ENTREP2: variants seen among roughly 807,000 people sequenced by gnomAD.
ENTREP2 encodes the protein endosomal transmembrane epsin interactor 2, also known as protein ENTREP2.
At chr15:29,624,525 C>G in the ENTREP2 span, among the ~76,000 whole-genome samples, 3 of 152,206 alleles carry the variant, frequency 2.0e-5, no homozygotes, top group Non-Finnish European at 2.9e-5. Context: ...AAATGCCACT[C>G]TGTCTCCAAC....
At chr15:29,370,239 A>C in the ENTREP2 span, among the ~76,000 whole-genome samples, 1 of 152,228 alleles carries the variant, frequency 6.6e-6, no homozygotes, top group Non-Finnish European at 1.5e-5. Flanking sequence ...CACACTGTCT[A>C]TAAGAGATTC....
chr15:29,440,967 T>C, the ENTREP2 span, among the ~76,000 whole-genome samples: 37 of 152,310 alleles, frequency 2.4e-4, no homozygotes, highest in African/African-American at 8.2e-4. Context: ...ATTCCACTTC[T>C]GGGTATATAC....
the ENTREP2 span, among the ~76,000 whole-genome samples, chr15:29,465,646 T>C: frequency 5.0e-3 from 769 of 152,344 alleles, 7 homozygotes; most frequent in African/African-American, 0.018. Context: ...TCTTTGATTC[T>C]CAAATTGTAT....
At chr15:29,516,241 G>C in the ENTREP2 span, among the ~76,000 whole-genome samples, 3 of 152,070 alleles carry the variant, frequency 2.0e-5, no homozygotes, top group South Asian at 4.1e-4. Flanking sequence ...CCAGGGAAAC[G>C]GTCACACAGG....
the ENTREP2 span, among the ~76,000 whole-genome samples, chr15:29,466,611 T>TGCTGCAGCCCCCAGGGG: frequency 5.4e-5 from 2 of 36,882 alleles, no homozygotes; most frequent in African/African-American, 1.1e-4. Flanking sequence ...GCCCCCAGGG[T>TGCTGCAGCCCCCAGGGG]AGGGCCCAGG....
At chr15:29,463,124 G>A in the ENTREP2 span, among the ~76,000 whole-genome samples, 2 of 152,114 alleles carry the variant, frequency 1.3e-5, no homozygotes, top group Admixed American at 6.6e-5. Context: ...GGGGAGTGAC[G>A]AGGCTCAGGC....
the ENTREP2 span, among the ~76,000 whole-genome samples, chr15:29,385,267 G>A: frequency 2.9e-3 from 439 of 152,256 alleles, 3 homozygotes; most frequent in Non-Finnish European, 3.2e-3. Context: ...AAGCCTGAAG[G>A]AAGTTAATAT....
chr15:29,428,944 G>A, the ENTREP2 span, among the ~76,000 whole-genome samples: 1 of 152,172 alleles, frequency 6.6e-6, no homozygotes, highest in Non-Finnish European at 1.5e-5. Flanking sequence ...GGATTTGCTG[G>A]GTGGCTGATG....
the ENTREP2 span, among the ~76,000 whole-genome samples, chr15:29,300,151 AATGGATGGATGG>A: frequency 2.7e-4 from 34 of 128,160 alleles, no homozygotes; most frequent in South Asian, 5.8e-4. Flanking sequence ...ATGGATGGAT[AATGGATGGATGG>A]ATGGATGGAT....
chr15:29,648,239 A>C, the ENTREP2 span, among the ~76,000 whole-genome samples: 7 of 152,212 alleles, frequency 4.6e-5, no homozygotes, highest in African/African-American at 1.7e-4. Context: ...CTCTAGACTC[A>C]GTGGCTAGGG....
At chr15:29,383,038 C>T in the ENTREP2 span, among the ~76,000 whole-genome samples, 23 of 152,052 alleles carry the variant, frequency 1.5e-4, no homozygotes, top group African/African-American at 5.3e-4. Flanking sequence ...CTCTCCTCCA[C>T]AGCCTCCCTC....
the ENTREP2 span, among the ~76,000 whole-genome samples, chr15:29,337,935 C>G: frequency 1.3e-5 from 2 of 152,126 alleles, no homozygotes; most frequent in African/African-American, 2.4e-5. Flanking sequence ...TGACTTTTAT[C>G]AAATCATTCA....
At chr15:29,562,569 C>T in the ENTREP2 span, among the ~76,000 whole-genome samples, 1 of 152,154 alleles carries the variant, frequency 6.6e-6, no homozygotes, top group Non-Finnish European at 1.5e-5. Flanking sequence ...ATTCTTGGTT[C>T]TGTTCTGTAA....
At chr15:29,156,175 G>A in the ENTREP2 span, among the ~76,000 whole-genome samples, 1 of 151,848 alleles carries the variant, frequency 6.6e-6, no homozygotes, top group Non-Finnish European at 1.5e-5. Context: ...TGGTGGTGGT[G>A]GCGTTTTTGT....
At chr15:29,566,542 C>T in the ENTREP2 span, among the ~76,000 whole-genome samples, 179 of 152,060 alleles carry the variant, frequency 1.2e-3, no homozygotes, top group South Asian at 1.9e-3. Context: ...CTGCAACCTC[C>T]GCCTCCTGGG....
the ENTREP2 span, among the ~76,000 whole-genome samples, chr15:29,159,300 G>A: frequency 1.3e-5 from 2 of 152,272 alleles, no homozygotes; most frequent in Admixed American, 6.5e-5. Context: ...TAGGTTCGTG[G>A]TCTCGCTGGC....
the ENTREP2 span, among the ~76,000 whole-genome samples, chr15:29,303,000 T>C: frequency 2.6e-5 from 4 of 152,112 alleles, no homozygotes; most frequent in Non-Finnish European, 5.9e-5. Flanking sequence ...CAACTCTGCA[T>C]TACCCAGGGA....
the ENTREP2 span, among the ~76,000 whole-genome samples, chr15:29,259,839 C>T: frequency 6.7e-6 from 1 of 148,498 alleles, no homozygotes. Flanking sequence ...GAAAAAAATG[C>T]AATTATTAAA....
the ENTREP2 span, among the ~76,000 whole-genome samples, chr15:29,343,029 G>GGA: frequency 7.7e-6 from 1 of 129,562 alleles, no homozygotes. Context: ...AAAAGGAATG[G>GGA]GGGGGGTGGT....
Sources: gnomAD v4.1 joint callset for allele counts (sites outside exome capture counted in the v4.1 genomes callset) on GRCh38, gnomAD v4.1.1 for gene constraint, MANE v1.5 for transcripts, NCBI Gene and HGNC (gene_info 2026-07-23, HGNC 2026-07-21) for gene names.